ST18: variants seen among roughly 807,000 people sequenced by gnomAD.
ST18 encodes the protein suppression of tumorigenicity 18 protein.
ST18 carries 50 observed loss-of-function variants against 110.0 expected under a neutral mutation model. The observed-to-expected ratio is 0.45, with a 90% CI of 0.36 to 0.58. The LOEUF is 0.58. Among genes scored for constraint, ST18 ranks in the 20% least tolerant of loss-of-function variants. The pLI is 0.00. For missense variants in ST18, 1,306 were observed against 1,280.1 expected (o/e 1.02, Z -0.31); for synonymous variants, 461 against 452.4 (o/e 1.02, Z -0.24).
At chr8:52,188,935 G>C (rs2073425918) in intron 8 of ST18, among the ~76,000 whole-genome samples, 1 of 152,192 alleles carries the variant, frequency 6.6e-6, no homozygotes, top group Non-Finnish European at 1.5e-5. Flanking sequence ...AAGGGTTGGA[G>C]ATTGGGAGTT....
intron 2 of ST18, chr8:52,254,134 C>G (rs962349842): frequency 6.6e-6 from 1 of 151,994 alleles, no homozygotes; most frequent in Admixed American, 6.6e-5. Flanking sequence ...ACATCCACCC[C>G]CCCTCCAAAA....
chr8:52,350,754 T>G (rs1819928478), intron 2 of ST18, among the ~76,000 whole-genome samples: 2 of 151,562 alleles, frequency 1.3e-5, no homozygotes, highest in Admixed American at 1.3e-4. Context: ...GGAGTCTCGC[T>G]CTGTTGCCCA....
chr8:52,124,306 C>G (rs527630961), intron 23 of ST18, among the ~76,000 whole-genome samples: 2 of 152,188 alleles, frequency 1.3e-5, no homozygotes, highest in East Asian at 3.9e-4. Context: ...TCCTGAGTAG[C>G]TCGGACTACA....
intron 2 of ST18, among the ~76,000 whole-genome samples, chr8:52,331,032 G>A (rs1234058735): frequency 1.3e-5 from 2 of 152,100 alleles, no homozygotes; most frequent in Non-Finnish European, 2.9e-5. Flanking sequence ...CTGTGTGATT[G>A]GCTGCTCCTA....
intron 15 of ST18, among the ~76,000 whole-genome samples, chr8:52,153,035 A>T (rs1041681397): frequency 8.5e-5 from 13 of 152,216 alleles, no homozygotes; most frequent in Admixed American, 7.2e-4. Flanking sequence ...CACAAAAGTG[A>T]TTGTAGATCC....
chr8:52,152,046 T>C (rs1484391813), intron 15 of ST18, among the ~76,000 whole-genome samples: 2 of 152,238 alleles, frequency 1.3e-5, no homozygotes, highest in Non-Finnish European at 1.5e-5. Flanking sequence ...GTTACGATTA[T>C]ACATTTCGAG....
At chr8:52,262,455 C>T (rs187855537) in intron 2 of ST18, among the ~76,000 whole-genome samples, 20 of 152,256 alleles carry the variant, frequency 1.3e-4, no homozygotes, top group African/African-American at 2.4e-4. Flanking sequence ...TCCCTTCTAC[C>T]GACTTCACAG....
chr8:52,408,734 A>T (rs955154606), intron 2 of ST18, among the ~76,000 whole-genome samples: 4 of 152,220 alleles, frequency 2.6e-5, no homozygotes, highest in Non-Finnish European at 5.9e-5. Flanking sequence ...TAGAGATTTT[A>T]AAAAATCTTA....
intron 2 of ST18, among the ~76,000 whole-genome samples, chr8:52,250,678 C>T (rs1435433192): frequency 2.0e-5 from 3 of 147,192 alleles, no homozygotes; most frequent in Non-Finnish European, 4.5e-5. Context: ...AAAAAAATTG[C>T]TAAAATGTAC....
chr8:52,343,480 C>A (rs988694562), intron 2 of ST18, among the ~76,000 whole-genome samples: 1 of 152,202 alleles, frequency 6.6e-6, no homozygotes, highest in African/African-American at 2.4e-5. Context: ...CCCCTAAGAA[C>A]AAACGGTGGG....
intron 17 of ST18, among the ~76,000 whole-genome samples, chr8:52,138,393 G>A (rs943708801): frequency 2.0e-5 from 3 of 152,164 alleles, no homozygotes; most frequent in African/African-American, 7.2e-5. Flanking sequence ...TAAGATGTGT[G>A]CCCCTGCATT....
At chr8:52,390,928 G>C (rs1227612345) in intron 2 of ST18, among the ~76,000 whole-genome samples, 1 of 152,182 alleles carries the variant, frequency 6.6e-6, no homozygotes, top group Non-Finnish European at 1.5e-5. Flanking sequence ...GAGAAATCTA[G>C]GATTGGTTTC....
chr8:52,170,381 G>C (rs1748775865), intron 10 of ST18, among the ~76,000 whole-genome samples: 1 of 151,976 alleles, frequency 6.6e-6, no homozygotes, highest in Admixed American at 6.6e-5. Context: ...GAACCTGGGA[G>C]GCAGAGCTTG....
chr8:52,266,275 T>G (rs188392532), intron 2 of ST18, among the ~76,000 whole-genome samples: 205 of 152,276 alleles, frequency 1.3e-3, no homozygotes, highest in Non-Finnish European at 2.6e-3. Context: ...CAGGATGTGT[T>G]ACTGTGGCAG....
At chr8:52,273,072 ATTATT>A in intron 2 of ST18, among the ~76,000 whole-genome samples, 1 of 152,236 alleles carries the variant, frequency 6.6e-6, no homozygotes. Context: ...CAACACAACA[ATTATT>A]TTAAAGACTA....
At chr8:52,378,041 G>A (rs540573183) in intron 2 of ST18, among the ~76,000 whole-genome samples, 6 of 152,234 alleles carry the variant, frequency 3.9e-5, no homozygotes, top group Non-Finnish European at 7.4e-5. Flanking sequence ...TCACTTATTC[G>A]TGGGAGATAA....
chr8:52,129,096 A>T (rs1170441785), intron 22 of ST18, among the ~76,000 whole-genome samples: 2 of 152,182 alleles, frequency 1.3e-5, no homozygotes, highest in African/African-American at 4.8e-5. Flanking sequence ...CTTCACAAAC[A>T]GGAAAGAAGA....
chr8:52,200,419 C>T (rs2077564306), intron 8 of ST18, among the ~76,000 whole-genome samples: 1 of 152,186 alleles, frequency 6.6e-6, no homozygotes, highest in African/African-American at 2.4e-5. Flanking sequence ...AACAACATTC[C>T]AGACAGCAGG....
chr8:52,267,167 G>A (rs2094898941), intron 2 of ST18, among the ~76,000 whole-genome samples: 1 of 152,046 alleles, frequency 6.6e-6, no homozygotes, highest in Admixed American at 6.5e-5. Flanking sequence ...TGACAGTGGG[G>A]ATGAACCCTG....
Sources: allele counts gnomAD v4.1 joint callset (sites outside exome capture counted in the v4.1 genomes callset), GRCh38; gene constraint gnomAD v4.1.1; transcripts MANE v1.5; gene names NCBI Gene and HGNC (gene_info 2026-07-23, HGNC 2026-07-21).